Variants in ACTR3C observed in about 807,000 individuals in gnomAD.
ACTR3C encodes actin related protein 3C.
Under a neutral mutation model 26.3 loss-of-function variants are expected in ACTR3C, and 18 were observed. The ratio of observed to expected loss-of-function variants is 0.68; its 90% CI spans 0.47 to 1.01. The LOEUF is 1.01. Ranked by LOEUF, ACTR3C falls within the 50% of genes least tolerant of loss-of-function variation. ACTR3C has a pLI of 0.00. For synonymous variants in ACTR3C, 55 were observed against 94.5 expected (o/e 0.58, Z 2.42); for missense variants, 184 against 250.7 (o/e 0.73, Z 1.80).
chr7:150,221,265 A>G, the ACTR3C span, among the ~76,000 whole-genome samples: 1 of 149,940 alleles, frequency 6.7e-6, no homozygotes, highest in African/African-American at 2.5e-5. Flanking sequence ...CAGCTTCCCA[A>G]GAGTTTTTTT....
the ACTR3C span, chr7:149,891,277 C>A: frequency 2.6e-5 from 32 of 1,253,556 alleles, 1 homozygote; most frequent in Middle Eastern, 2.7e-4. Flanking sequence ...TCCCAGTCTT[C>A]AATGATTCCA....
At chr7:150,018,934 T>C in the ACTR3C span, among the ~76,000 whole-genome samples, 1 of 149,008 alleles carries the variant, frequency 6.7e-6, no homozygotes, top group Non-Finnish European at 1.5e-5. Context: ...TGTGTGTACA[T>C]ATGCACTGAA....
At chr7:150,140,542 C>T in the ACTR3C span, among the ~76,000 whole-genome samples, 1 of 151,992 alleles carries the variant, frequency 6.6e-6, no homozygotes, top group Non-Finnish European at 1.5e-5. Context: ...CCACAGGTAC[C>T]CCAAACTTCA....
At chr7:149,971,560 T>C in the ACTR3C span, among the ~76,000 whole-genome samples, 1 of 152,244 alleles carries the variant, frequency 6.6e-6, no homozygotes, top group South Asian at 2.1e-4. Flanking sequence ...TATATACATG[T>C]TTGTTTTACA....
At chr7:149,894,053 C>G in the ACTR3C span, among the ~76,000 whole-genome samples, 1 of 152,168 alleles carries the variant, frequency 6.6e-6, no homozygotes, top group Non-Finnish European at 1.5e-5. Flanking sequence ...CTACAGTAAT[C>G]AAAACAGCTT....
chr7:150,199,725 C>CA, the ACTR3C span, among the ~76,000 whole-genome samples: 67,051 of 85,562 alleles, frequency 0.78, 28,174 homozygotes, highest in Non-Finnish European at 0.87. Context: ...ATATTTTTAT[C>CA]AAAAAAAAAA....
chr7:150,017,033 G>A, the ACTR3C span, among the ~76,000 whole-genome samples: 1 of 152,074 alleles, frequency 6.6e-6, no homozygotes, highest in Non-Finnish European at 1.5e-5. Context: ...TGCTGATTAA[G>A]TAGGAACCTG....
chr7:150,080,078 G>A, the ACTR3C span, among the ~76,000 whole-genome samples: 2 of 152,148 alleles, frequency 1.3e-5, no homozygotes, highest in Admixed American at 6.5e-5. Flanking sequence ...TGACATGAAT[G>A]GCATAGGAAT....
chr7:150,314,061 C>T (rs1392083529), intron 1 of ACTR3C, among the ~76,000 whole-genome samples: 1 of 152,192 alleles, frequency 6.6e-6, no homozygotes, highest in African/African-American at 2.4e-5. Context: ...TGAGCTTCTG[C>T]ATCTAGTCTA....
chr7:150,055,086 T>G, the ACTR3C span, among the ~76,000 whole-genome samples: 7 of 152,240 alleles, frequency 4.6e-5, no homozygotes, highest in Non-Finnish European at 8.8e-5. Flanking sequence ...GATTTATTTA[T>G]TATAGCAGCA....
chr7:149,953,953 C>T, the ACTR3C span, among the ~76,000 whole-genome samples: 51 of 139,114 alleles, frequency 3.7e-4, 1 homozygote, highest in South Asian at 0.012. Flanking sequence ...AAGGTGTGTC[C>T]AATTCTGAAC....
chr7:149,887,085 A>G, the ACTR3C span, among the ~76,000 whole-genome samples: 1 of 152,202 alleles, frequency 6.6e-6, no homozygotes, highest in Admixed American at 6.5e-5. Context: ...GAAACTATAA[A>G]TGTACTAGAA....
chr7:150,048,587 A>G, the ACTR3C span, among the ~76,000 whole-genome samples: 4 of 151,616 alleles, frequency 2.6e-5, no homozygotes, highest in African/African-American at 9.7e-5. Context: ...GGGGATGCGG[A>G]GGTCGAGGCA....
At chr7:150,148,482 GA>G in the ACTR3C span, among the ~76,000 whole-genome samples, 53 of 151,030 alleles carry the variant, frequency 3.5e-4, no homozygotes, top group African/African-American at 1.1e-3. Flanking sequence ...GTCTCGGGCG[GA>G]AAAAAAAAGT....
chr7:150,176,016 C>T, the ACTR3C span, among the ~76,000 whole-genome samples: 12 of 150,256 alleles, frequency 8.0e-5, no homozygotes, highest in African/African-American at 2.8e-4. Context: ...AGGTGGAACA[C>T]GAATAACATA....
chr7:150,177,093 C>T, the ACTR3C span, among the ~76,000 whole-genome samples: 1 of 146,852 alleles, frequency 6.8e-6, no homozygotes, highest in Admixed American at 6.6e-5. Context: ...GAAAGCACAC[C>T]CGGACTTTTA....
chr7:149,949,202 A>G, the ACTR3C span, among the ~76,000 whole-genome samples: 1 of 143,160 alleles, frequency 7.0e-6, no homozygotes. Flanking sequence ...ATACATATAT[A>G]CACACACACA....
the ACTR3C span, among the ~76,000 whole-genome samples, chr7:149,940,664 G>A: frequency 1.0e-4 from 15 of 149,294 alleles, no homozygotes; most frequent in African/African-American, 3.7e-4. Context: ...ACAGCATCCT[G>A]CCAAAGAAAT....
chr7:150,242,291 G>A (rs1374948883), downstream of ACTR3C, among the ~76,000 whole-genome samples: 1 of 150,790 alleles, frequency 6.6e-6, no homozygotes, highest in Non-Finnish European at 1.5e-5. Context: ...GAAAAACAGA[G>A]GGCAACAGAG....
Sources: gnomAD v4.1 joint callset for allele counts (sites outside exome capture counted in the v4.1 genomes callset) on GRCh38, gnomAD v4.1.1 for gene constraint, MANE v1.5 for transcripts, NCBI Gene and HGNC (gene_info 2026-07-23, HGNC 2026-07-21) for gene names.